The following CLVS2 variants were observed in gnomAD, a reference collection of about 807,000 sequenced individuals.
CLVS2 encodes clavesin-2.
In CLVS2, 19 loss-of-function variants were observed where a neutral mutation model predicts 29.0. That is an observed-to-expected ratio of 0.66 (90% CI 0.46 to 0.96). The LOEUF is 0.96. Among genes scored for constraint, CLVS2 ranks in the 40% least tolerant of loss-of-function variants. The pLI is 0.00. For synonymous variants in CLVS2, 161 were observed against 151.3 expected, an observed-to-expected ratio of 1.06 and a Z score of -0.47; for missense variants, 294 against 404.1, an observed-to-expected ratio of 0.73 and a Z score of 2.34.
At chr6:123,031,925 G>A (rs1775088982) in intron 3 of CLVS2, among the ~76,000 whole-genome samples, 1 of 151,976 alleles carries the variant, frequency 6.6e-6, no homozygotes, top group Non-Finnish European at 1.5e-5. Context: ...AGAGATTATA[G>A]TTACAAGCCA....
At chr6:123,061,211 C>T (rs1772772777) in intron 5 of CLVS2, among the ~76,000 whole-genome samples, 1 of 151,934 alleles carries the variant, frequency 6.6e-6, no homozygotes, top group Non-Finnish European at 1.5e-5. Flanking sequence ...GTGGGAGCAT[C>T]AGTTGAACCC....
chr6:123,002,912 G>C (rs142830890), intron 2 of CLVS2, among the ~76,000 whole-genome samples: 115 of 152,314 alleles, frequency 7.6e-4, no homozygotes, highest in African/African-American at 2.5e-3. Context: ...ACAAATGGCA[G>C]ATATGTATTC....
Position 123,067,956 on chromosome 6 carries a change from A to G in CLVS2, c.*4195A>G, listed in dbSNP as rs377003496. On this transcript the variant is annotated 3_prime_UTR_variant, in exon 6 of 6. Coordinates refer to ENST00000275162, the MANE Select transcript of CLVS2 (RefSeq NM_001010852.4). ...AAAAAAGGCAAATAAGTAAACATAC[A>G]AAAGAAGCTTGGCTTTGTAACATTA... 14 of 151,864 alleles carry G rather than the reference A, an allele frequency of 9.2e-5. No individual in the cohort carries two copies. The East Asian group carries it at 2.5e-3, about 27-fold the overall frequency. The allele number at this position is 151,864 out of a possible 1,614,324, so 9.4% of individuals were successfully genotyped here.
chr6:123,027,814 A>G (rs893547750), intron 3 of CLVS2, among the ~76,000 whole-genome samples: 1 of 151,826 alleles, frequency 6.6e-6, no homozygotes, highest in Admixed American at 6.6e-5. Context: ...AAAAAATTAA[A>G]TAAGTTGTTA....
intron 3 of CLVS2, among the ~76,000 whole-genome samples, chr6:123,035,548 A>G (rs557172819): frequency 6.6e-6 from 1 of 152,212 alleles, no homozygotes; most frequent in Admixed American, 6.5e-5. Context: ...TAAAAAGTAG[A>G]GATTAGGTTT....
chr6:123,042,208 A>G (rs1775243481), intron 3 of CLVS2, among the ~76,000 whole-genome samples: 1 of 152,222 alleles, frequency 6.6e-6, no homozygotes, highest in South Asian at 2.1e-4. Flanking sequence ...GTATATCTCT[A>G]GAGACTGATG....
chr6:123,002,152 A>T (rs911408465), intron 2 of CLVS2, among the ~76,000 whole-genome samples: 6 of 152,194 alleles, frequency 3.9e-5, no homozygotes, highest in Non-Finnish European at 1.5e-5. Context: ...TCGAAAACAA[A>T]CACAGTTAGA....
intron 3 of CLVS2, among the ~76,000 whole-genome samples, chr6:123,048,380 A>G (rs1014773112): frequency 1.3e-5 from 2 of 152,088 alleles, no homozygotes; most frequent in Non-Finnish European, 2.9e-5. Flanking sequence ...CCTCTTAAAA[A>G]TGCTGAAATT....
At chr6:123,017,118 G>A (rs1245724020) in intron 3 of CLVS2, among the ~76,000 whole-genome samples, 4 of 150,186 alleles carry the variant, frequency 2.7e-5, no homozygotes, top group South Asian at 2.1e-4. Flanking sequence ...GTGTGTGTGC[G>A]TAAGATGGTT....
chr6:123,063,910 G>T lies in CLVS2; in HGVS notation c.*149G>T, dbSNP rs911523813. On this transcript the variant is annotated 3_prime_UTR_variant, in exon 6 of 6. Coordinates refer to ENST00000275162, the MANE Select transcript of CLVS2 (RefSeq NM_001010852.4). ...ATAACAAGGCATCAGGCTTTCCTTGGCCTGAACCATGGGGGCCCTGGGCTG... is the reference window on the plus strand; with the variant it reads ...ATAACAAGGCATCAGGCTTTCCTTGTCCTGAACCATGGGGGCCCTGGGCTG... The T allele has an allele frequency of 8.4e-6, 4 of 477,676 alleles. No homozygotes were observed. The highest frequency in any genetic ancestry group is 1.5e-5 in the Non-Finnish European group (4 of 271,718). 29.6% of individuals were successfully genotyped at this position (477,676 alleles called of 1,614,324 possible).
At chr6:123,001,144 T>C (rs945510641) in intron 2 of CLVS2, among the ~76,000 whole-genome samples, 1 of 152,224 alleles carries the variant, frequency 6.6e-6, no homozygotes, top group Non-Finnish European at 1.5e-5. Context: ...AGAGATTTAT[T>C]TGATATACGC....
chr6:123,005,577 G>A (rs148378660), intron 2 of CLVS2, among the ~76,000 whole-genome samples: 2,095 of 152,296 alleles, frequency 0.014, 15 homozygotes, highest in Middle Eastern at 0.048. Context: ...TGACCTATTT[G>A]TCATTAAGTT....
intron 3 of CLVS2, among the ~76,000 whole-genome samples, chr6:123,041,218 A>G (rs567713145): frequency 6.6e-6 from 1 of 152,186 alleles, no homozygotes; most frequent in South Asian, 2.1e-4. Flanking sequence ...AATTCCTTCC[A>G]GTCATCTTGA....
At position 122,996,583 on chromosome 6, in the gene CLVS2, C is replaced by G. The variant is rs959568192; in HGVS notation, c.-723C>G. Reference sequence around the variant, plus strand: ...CGATGTGGCCGCGGCTGCTCCCGAGCGCATCTTCGGCCCGGGTCCCCGCCG... The same window carrying G: ...CGATGTGGCCGCGGCTGCTCCCGAGGGCATCTTCGGCCCGGGTCCCCGCCG... On this transcript the variant is annotated 5_prime_UTR_variant, in exon 1 of 6. Transcript: ENST00000275162. 1 of 153,318 alleles carries G rather than the reference C, an allele frequency of 6.5e-6. No homozygotes were observed. 9.5% of individuals were successfully genotyped at this position (153,318 alleles called of 1,614,324 possible). A position where few individuals can be genotyped will look rare whatever the true frequency, so the allele number is the denominator to read the frequency against.
At chr6:123,030,852 A>G (rs1296929828) in intron 3 of CLVS2, among the ~76,000 whole-genome samples, 5 of 148,276 alleles carry the variant, frequency 3.4e-5, no homozygotes, top group African/African-American at 9.8e-5. Context: ...ATATATATAC[A>G]CACACATATA....
chr6:123,029,191 C>T (rs1775047141), intron 3 of CLVS2, among the ~76,000 whole-genome samples: 2 of 152,166 alleles, frequency 1.3e-5, no homozygotes, highest in South Asian at 4.1e-4. Flanking sequence ...TATAATTTTT[C>T]ATACTAAGAT....
intron 3 of CLVS2, among the ~76,000 whole-genome samples, chr6:123,032,489 C>A (rs1775096398): frequency 6.6e-6 from 1 of 151,958 alleles, no homozygotes; most frequent in Non-Finnish European, 1.5e-5. Context: ...TGGAAGCAGG[C>A]ATTGGTGTCT....
chr6:123,028,129 G>C (rs1775029392), intron 3 of CLVS2, among the ~76,000 whole-genome samples: 1 of 152,168 alleles, frequency 6.6e-6, no homozygotes, highest in South Asian at 2.1e-4. Flanking sequence ...GTGCACATGA[G>C]TGAAAAACTG....
At position 123,063,829 on chromosome 6, in the gene CLVS2, C is replaced by A; in HGVS notation, c.*68C>A. ...TTGGTTTTCAGCAACAGGGACAACA[C>A]TGTAGAGGAATTACCAGCTGGAAAC... On this transcript the variant is annotated 3_prime_UTR_variant, in exon 6 of 6. Coordinates refer to ENST00000275162, the MANE Select transcript of CLVS2 (RefSeq NM_001010852.4). 2 of 1,048,962 alleles carry A rather than the reference C, an allele frequency of 1.9e-6. No individual in the cohort carries two copies. The highest frequency in any genetic ancestry group is 2.9e-6 in the Non-Finnish European group (2 of 679,740). The allele number at this position is 1,048,962 out of a possible 1,614,324, so 65.0% of individuals were successfully genotyped here.
Sources: gnomAD v4.1 joint callset for allele counts (sites outside exome capture counted in the v4.1 genomes callset) on GRCh38, gnomAD v4.1.1 for gene constraint, MANE v1.5 for transcripts, NCBI Gene and HGNC (gene_info 2026-07-23, HGNC 2026-07-21) for gene names.